The following WWOX variants were observed in gnomAD, a reference collection of about 807,000 sequenced individuals.
WWOX encodes WW domain containing oxidoreductase.
Under a neutral mutation model 46.2 loss-of-function variants are expected in WWOX, and 69 were observed. The ratio of observed to expected loss-of-function variants is 1.49; its 90% CI spans 1.23 to 1.82. The LOEUF is 1.82. WWOX is among the 40% of genes most tolerant of loss of function. WWOX has a pLI of 0.00. For synonymous variants in WWOX, 359 were observed against 202.6 expected, an observed-to-expected ratio of 1.77 and a Z score of -6.56; for missense variants, 919 against 542.6, an observed-to-expected ratio of 1.69 and a Z score of -6.89.
At chr16:78,300,481 T>C (rs1273081236) in intron 5 of WWOX, among the ~76,000 whole-genome samples, 1 of 151,962 alleles carries the variant, frequency 6.6e-6, no homozygotes, top group East Asian at 1.9e-4. Context: ...CTGCCATGCC[T>C]GTCCTCCCTC....
chr16:78,144,466 C>CGTATAT (rs2034109720), intron 4 of WWOX, among the ~76,000 whole-genome samples: 7 of 14,372 alleles, frequency 4.9e-4, no homozygotes, highest in East Asian at 2.9e-3. Context: ...TATATATACA[C>CGTATAT]ACATATATAT....
In WWOX at chr16:78,345,453, G is replaced by A. The variant is rs566254695; in HGVS notation, c.517-41407G>A. On this transcript the variant is annotated intron_variant, in intron 5 of 8. Coordinates refer to ENST00000566780, the MANE Select transcript of WWOX (RefSeq NM_016373.4). ...CTGAGCACCATGGCAAAACCCCATCGCTACCAAAAAAAAAAAAAAAAAAAA... is the reference window on the plus strand; with the variant it reads ...CTGAGCACCATGGCAAAACCCCATCACTACCAAAAAAAAAAAAAAAAAAAA... Among the ~76,000 whole-genome samples, 62 of 24,210 alleles carry A rather than the reference G, an allele frequency of 2.6e-3. 18 individuals are homozygous for A. The highest frequency in any genetic ancestry group is 7.1e-3 in the African/African-American group (55 of 7,746). 15.9% of individuals were successfully genotyped at this position (24,210 alleles called of 152,430 possible). A position where few individuals can be genotyped will look rare whatever the true frequency, so the allele number is the denominator to read the frequency against.
intron 4 of WWOX, among the ~76,000 whole-genome samples, chr16:78,132,176 C>T (rs536911815): frequency 7.2e-4 from 110 of 151,872 alleles, no homozygotes; most frequent in Admixed American, 1.5e-3. Flanking sequence ...AGGTGCCCGC[C>T]ACCACGCCCG....
intron 8 of WWOX, among the ~76,000 whole-genome samples, chr16:78,561,515 A>T (rs1567645624): frequency 6.6e-6 from 1 of 152,174 alleles, no homozygotes; most frequent in Non-Finnish European, 1.5e-5. Context: ...TAACTGGAAG[A>T]ATGCATGCGT....
At chr16:78,612,338 C>T (rs2045921135) in intron 8 of WWOX, among the ~76,000 whole-genome samples, 1 of 152,180 alleles carries the variant, frequency 6.6e-6, no homozygotes, top group African/African-American at 2.4e-5. Flanking sequence ...TCTTTGTGTC[C>T]ATACATTTGA....
In WWOX at chr16:78,423,181, G is replaced by A. The variant is rs2082992163; in HGVS notation, c.606-1689G>A. Among the ~76,000 whole-genome samples the A allele has an allele frequency of 2.0e-5, 3 of 152,182 alleles. No homozygotes were observed. The South Asian group carries it at 6.2e-4, about 32-fold the overall frequency. ...ATTACAGGCGTGAGCCGCCATGCCTGCCCTTATTTTTATATATCTTCCATA... is the reference window on the plus strand; with the variant it reads ...ATTACAGGCGTGAGCCGCCATGCCTACCCTTATTTTTATATATCTTCCATA... On this transcript the variant is annotated intron_variant, in intron 6 of 8. Coordinates refer to ENST00000566780, the MANE Select transcript of WWOX (RefSeq NM_016373.4).
chr16:78,189,903 C>T (rs1439493214), intron 5 of WWOX, among the ~76,000 whole-genome samples: 2 of 152,144 alleles, frequency 1.3e-5, no homozygotes, highest in African/African-American at 2.4e-5. Flanking sequence ...GATCCACCCA[C>T]CTCGGCCTCC....
chr16:78,544,986 G>C (rs1428900657), intron 8 of WWOX, among the ~76,000 whole-genome samples: 1 of 152,136 alleles, frequency 6.6e-6, no homozygotes, highest in Non-Finnish European at 1.5e-5. Context: ...AGACCAGCCT[G>C]GGCACATAGT....
chr16:79,082,665 T>C (rs752361301), intron 8 of WWOX, among the ~76,000 whole-genome samples: 1 of 152,234 alleles, frequency 6.6e-6, no homozygotes, highest in Non-Finnish European at 1.5e-5. Context: ...ATCCACAGTC[T>C]GCTCTTTTAG....
chr16:78,449,596 T>G (rs989299200), intron 8 of WWOX, among the ~76,000 whole-genome samples: 1 of 152,250 alleles, frequency 6.6e-6, no homozygotes, highest in Non-Finnish European at 1.5e-5. Flanking sequence ...TTTTTCTGTT[T>G]GCATCCTTTC....
intron 8 of WWOX, chr16:78,535,038 A>G (rs1337198905): frequency 1.3e-5 from 2 of 152,368 alleles, no homozygotes; most frequent in Non-Finnish European, 2.9e-5. Flanking sequence ...AAGACTATAC[A>G]CTGATATCCC....
chr16:78,679,671 G>A (rs970189353), intron 8 of WWOX, among the ~76,000 whole-genome samples: 1 of 152,226 alleles, frequency 6.6e-6, no homozygotes, highest in East Asian at 1.9e-4. Flanking sequence ...GCCAGGAGAA[G>A]TATTGTTTTC....
At chr16:78,530,598 C>T (rs1248805330) in intron 8 of WWOX, among the ~76,000 whole-genome samples, 3 of 152,062 alleles carry the variant, frequency 2.0e-5, no homozygotes, top group Admixed American at 6.6e-5. Flanking sequence ...GCAGGCCGGG[C>T]CATGGGTGGT....
chr16:78,847,877 T>C (rs1489320611), intron 8 of WWOX, among the ~76,000 whole-genome samples: 2 of 152,204 alleles, frequency 1.3e-5, no homozygotes, highest in African/African-American at 2.4e-5. Flanking sequence ...AGCAGAGGCA[T>C]GACAAGCGGT....
chr16:78,982,504 T>C lies in WWOX; in HGVS notation c.1057-229104T>C, dbSNP rs532530863. ...GTGTTAGTTCATTTTCATAGTGGTG[T>C]GTATGTATCTTTAGACTTTAACTGA... On this transcript the variant is annotated intron_variant, in intron 8 of 8. Transcript: ENST00000566780. Among the ~76,000 whole-genome samples the C allele has an allele frequency of 9.8e-5, 15 of 152,338 alleles. No homozygotes were observed. The South Asian group carries it at 3.1e-3, about 32-fold the overall frequency.
chr16:79,153,973 C>G (rs964812973), intron 8 of WWOX, among the ~76,000 whole-genome samples: 1 of 152,104 alleles, frequency 6.6e-6, no homozygotes, highest in South Asian at 2.1e-4. Flanking sequence ...TGATGCTAGC[C>G]ATGGATGCAC....
intron 8 of WWOX, among the ~76,000 whole-genome samples, chr16:79,057,484 C>T (rs375217173): frequency 3.3e-5 from 5 of 152,182 alleles, no homozygotes; most frequent in African/African-American, 7.2e-5. Flanking sequence ...TCTGTAAAGA[C>T]CATTATTATT....
At chr16:78,909,249 T>C (rs1284981244) in intron 8 of WWOX, among the ~76,000 whole-genome samples, 1 of 152,202 alleles carries the variant, frequency 6.6e-6, no homozygotes, top group Non-Finnish European at 1.5e-5. Flanking sequence ...TGCCACGTGA[T>C]TATTTTGTAC....
chr16:79,080,370 C>G (rs367588772), intron 8 of WWOX, among the ~76,000 whole-genome samples: 6 of 152,188 alleles, frequency 3.9e-5, no homozygotes, highest in Admixed American at 6.6e-5. Context: ...CGCAGAAGAT[C>G]AGGAATTTGC....
Sources: gnomAD v4.1 joint callset for allele counts (sites outside exome capture counted in the v4.1 genomes callset) on GRCh38, gnomAD v4.1.1 for gene constraint, MANE v1.5 for transcripts, NCBI Gene and HGNC (gene_info 2026-07-23, HGNC 2026-07-21) for gene names.